Variants in CCDC85A observed in about 807,000 individuals in gnomAD.
CCDC85A encodes the protein coiled-coil domain containing 85A, also known as coiled-coil domain-containing protein 85A.
Under a neutral mutation model 50.2 loss-of-function variants are expected in CCDC85A, and 38 were observed. The ratio of observed to expected loss-of-function variants is 0.76; its 90% confidence interval spans 0.58 to 0.99. The LOEUF is 0.99. Among genes scored for constraint, CCDC85A ranks in the 50% least tolerant of loss-of-function variants. The probability of loss-of-function intolerance (pLI) is 0.00; values close to 1 mark genes in which losing one functional copy is unlikely to be tolerated. For synonymous variants in CCDC85A, 366 were observed against 301.4 expected (o/e 1.21, Z -2.22); for missense variants, 820 against 742.0 (o/e 1.11, Z -1.22).
At chr2:56,331,324 G>A (rs912900597) in intron 2 of CCDC85A, among the ~76,000 whole-genome samples, 1 of 152,070 alleles carries the variant, frequency 6.6e-6, no homozygotes, top group African/African-American at 2.4e-5. Context: ...GGGTTGATAG[G>A]TGCAGCAAAC....
intron 2 of CCDC85A, among the ~76,000 whole-genome samples, chr2:56,233,532 G>A (rs924021498): frequency 1.3e-5 from 2 of 152,120 alleles, no homozygotes. Flanking sequence ...ATATGTAAAT[G>A]AATGGGTATG....
chr2:56,343,212 G>C (rs1045599352), intron 3 of CCDC85A, among the ~76,000 whole-genome samples: 1 of 152,086 alleles, frequency 6.6e-6, no homozygotes, highest in African/African-American at 2.4e-5. Flanking sequence ...AAAGGAGAAG[G>C]ATAAAATAAT....
At chr2:56,228,766 C>T (rs915905418) in intron 2 of CCDC85A, among the ~76,000 whole-genome samples, 1 of 152,140 alleles carries the variant, frequency 6.6e-6, no homozygotes, top group Non-Finnish European at 1.5e-5. Flanking sequence ...ATCTCCTGAC[C>T]TAGTGATCCG....
intron 2 of CCDC85A, among the ~76,000 whole-genome samples, chr2:56,193,746 A>G (rs1276830337): frequency 6.6e-6 from 1 of 152,194 alleles, no homozygotes; most frequent in African/African-American, 2.4e-5. Flanking sequence ...GTGATAAAAA[A>G]TAGAACCATT....
intron 2 of CCDC85A, among the ~76,000 whole-genome samples, chr2:56,335,976 T>C (rs1674052491): frequency 6.6e-6 from 1 of 152,010 alleles, no homozygotes; most frequent in Admixed American, 6.6e-5. Flanking sequence ...CTCTTAAAGG[T>C]CCCACCTCTT....
chr2:56,246,341 A>T (rs1369973398), intron 2 of CCDC85A, among the ~76,000 whole-genome samples: 2 of 152,150 alleles, frequency 1.3e-5, no homozygotes, highest in Admixed American at 1.3e-4. Flanking sequence ...GTCTTATTAC[A>T]TTCCTGATAA....
intron 2 of CCDC85A, among the ~76,000 whole-genome samples, chr2:56,245,901 A>G (rs868586236): frequency 6.6e-6 from 1 of 152,188 alleles, no homozygotes; most frequent in Non-Finnish European, 1.5e-5. Flanking sequence ...CCCAGTTTCC[A>G]GAACTGGGAG....
chr2:56,268,810 C>A (rs1210814303), intron 2 of CCDC85A, among the ~76,000 whole-genome samples: 1 of 151,956 alleles, frequency 6.6e-6, no homozygotes, highest in African/African-American at 2.4e-5. Context: ...CATACAATAA[C>A]AATTTTTCTA....
chr2:56,184,327 G>A lies in CCDC85A; in HGVS notation c.-298G>A. ...CCGCTGTCCCCGAGGATTTCCCGCG[G>A]CAGCCCCGGGCTCCCCAGTGCCCCT... On this transcript the variant is annotated 5_prime_UTR_variant, in exon 1 of 6. Transcript: ENST00000407595. 1 of 552,452 alleles carries A rather than the reference G, an allele frequency of 1.8e-6. No homozygotes were observed. 34.2% of individuals were successfully genotyped at this position (552,452 alleles called of 1,614,324 possible). A position where few individuals can be genotyped will look rare whatever the true frequency, so the allele number is the denominator to read the frequency against.
chr2:56,379,290 G>T (rs1373881011), intron 5 of CCDC85A, among the ~76,000 whole-genome samples: 2 of 152,100 alleles, frequency 1.3e-5, no homozygotes, highest in Non-Finnish European at 2.9e-5. Context: ...ATATTCCTGG[G>T]TTTTGACCAG....
At chr2:56,300,489 G>C (rs912850120) in intron 2 of CCDC85A, among the ~76,000 whole-genome samples, 1 of 152,120 alleles carries the variant, frequency 6.6e-6, no homozygotes. Context: ...GTCATGTAGG[G>C]GTGATGCTGA....
chr2:56,382,993 G>A (rs1676662111), intron 5 of CCDC85A, among the ~76,000 whole-genome samples: 1 of 151,924 alleles, frequency 6.6e-6, no homozygotes, highest in African/African-American at 2.4e-5. Flanking sequence ...ACTTTCCTAA[G>A]TCTCTTGTGT....
In CCDC85A at chr2:56,296,790, A is replaced by C. The variant is rs150605093; in HGVS notation, c.1241-46089A>C. 4.6e-5 allele frequency among the ~76,000 whole-genome samples: 7 copies of C among 152,296 alleles called. No homozygotes were observed. In the South Asian group the frequency reaches 6.2e-4, roughly 14 times the overall value. On this transcript the variant is annotated intron_variant, in intron 2 of 5. Coordinates refer to ENST00000407595, the MANE Select transcript of CCDC85A (RefSeq NM_001080433.2). ...AGAAGAAAGAGTTAGCAATTTAAACAATTTACATAGCAAATTAATAGCATA... is the reference window on the plus strand; with the variant it reads ...AGAAGAAAGAGTTAGCAATTTAAACCATTTACATAGCAAATTAATAGCATA...
chr2:56,243,703 C>T (rs1185202120), intron 2 of CCDC85A, among the ~76,000 whole-genome samples: 4 of 152,066 alleles, frequency 2.6e-5, no homozygotes, highest in Admixed American at 1.3e-4. Context: ...TGTAGATGTT[C>T]GACATCTGGG....
At position 56,359,374 on chromosome 2, in the gene CCDC85A, T is replaced by C. The variant is rs560796461; in HGVS notation, c.1318-12970T>C. Among the ~76,000 whole-genome samples, 10 of 152,318 alleles carry C rather than the reference T, an allele frequency of 6.6e-5. No homozygotes were observed. In the South Asian group the frequency reaches 2.1e-3, roughly 32 times the overall value. On this transcript the variant is annotated intron_variant, in intron 3 of 5. Transcript: ENST00000407595. ...TCCTCCCATATAGAAGGGACAATTG[T>C]TGTGATATCGTCGAATAGGAAATTT... is the stretch of plus-strand genomic sequence containing the variant.
intron 2 of CCDC85A, among the ~76,000 whole-genome samples, chr2:56,321,784 T>C (rs1011075341): frequency 6.6e-6 from 1 of 151,930 alleles, no homozygotes; most frequent in Non-Finnish European, 1.5e-5. Flanking sequence ...CAGAATAGGA[T>C]AAAACTACTT....
rs1052182749 is a variant in CCDC85A at position 56,192,901 on chromosome 2, C to T, written c.701C>T (p.Pro234Leu). Residue 234 changes from proline (P) to leucine (L), a missense_variant, in exon 2 of 6, where the codon CCG becomes CTG. Physicochemically the swap from Pro to Leu is moderately conservative, Grantham distance 98. Transcript: ENST00000407595. The surrounding 1 kb of genome is among the most constrained non-coding windows in gnomAD (Gnocchi z 4.7). ...HHKHHASSGS[P>L]EHLQKPRSEG... Reference sequence around the variant, plus strand: ...AAGCACCACGCGAGCAGTGGCAGCCCGGAGCACCTGCAGAAGCCCCGGAGC... The same window carrying T: ...AAGCACCACGCGAGCAGTGGCAGCCTGGAGCACCTGCAGAAGCCCCGGAGC... 78 of 1,611,266 alleles carry T rather than the reference C, an allele frequency of 4.8e-5. No homozygotes were observed. The highest frequency in any genetic ancestry group is 5.9e-5 in the Non-Finnish European group (69 of 1,178,210).
intron 2 of CCDC85A, among the ~76,000 whole-genome samples, chr2:56,256,374 A>G (rs928120688): frequency 2.6e-5 from 4 of 152,194 alleles, no homozygotes; most frequent in African/African-American, 9.6e-5. Flanking sequence ...TTCAGATGTC[A>G]GAAATCTGCT....
At chr2:56,297,024 G>T (rs1423992433) in intron 2 of CCDC85A, among the ~76,000 whole-genome samples, 1 of 152,098 alleles carries the variant, frequency 6.6e-6, no homozygotes, top group East Asian at 1.9e-4. Context: ...GTATATCGGG[G>T]TTAGTCATTT....
Sources: allele counts gnomAD v4.1 joint callset (sites outside exome capture counted in the v4.1 genomes callset), GRCh38; gene constraint gnomAD v4.1.1; non-coding constraint Gnocchi (gnomAD v3.1); transcripts MANE v1.5; gene names NCBI Gene and HGNC (gene_info 2026-07-23, HGNC 2026-07-21).